DNAH11: variants seen among roughly 807,000 people sequenced by gnomAD.
DNAH11 encodes the protein axonemal beta dynein heavy chain 11.
DNAH11 carries 442 observed loss-of-function variants against 526.0 expected under a neutral mutation model. That is an observed-to-expected ratio of 0.84 (90% confidence interval 0.78 to 0.91). DNAH11 has a LOEUF of 0.91. Among genes scored for constraint, DNAH11 ranks in the 40% least tolerant of loss-of-function variants. The probability of loss-of-function intolerance (pLI) is 0.00; values close to 1 mark genes in which losing one functional copy is unlikely to be tolerated. For missense variants in DNAH11, 6,989 were observed against 5,448.7 expected, an observed-to-expected ratio of 1.28 and a Z score of -8.90; for synonymous variants, 2,461 against 1,935.9, an observed-to-expected ratio of 1.27 and a Z score of -7.12.
At chr7:21,571,712 G>C in intron 7 of DNAH11, 94 bp from the exon 8 acceptor site, 1 of 938,832 alleles carries the variant, frequency 1.1e-6, no homozygotes, top group Non-Finnish European at 1.5e-6. Flanking sequence ...TTGACTCATT[G>C]ATTTTGAACA....
At chr7:21,803,131 A>G (rs899430260) in intron 62 of DNAH11, among the ~76,000 whole-genome samples, 1 of 152,164 alleles carries the variant, frequency 6.6e-6, no homozygotes, top group Non-Finnish European at 1.5e-5. Context: ...AAAAGTGTAT[A>G]ATTGCATTAT....
chr7:21,848,092 A>G (rs1782486827), intron 66 of DNAH11, among the ~76,000 whole-genome samples: 1 of 150,312 alleles, frequency 6.7e-6, no homozygotes, highest in Admixed American at 6.6e-5. Flanking sequence ...GCGTGAACCC[A>G]GGAGGTAGAG....
chr7:21,618,965 G>A (rs747981794), intron 23 of DNAH11, 135 bp from the exon 24 acceptor site: 34 of 1,140,734 alleles, frequency 3.0e-5, no homozygotes, highest in Non-Finnish European at 4.0e-5. Flanking sequence ...GATTCTCCAC[G>A]TATTTCAAGA....
intron 27 of DNAH11, among the ~76,000 whole-genome samples, chr7:21,637,993 C>T (rs1311248655): frequency 6.6e-6 from 1 of 150,892 alleles, no homozygotes; most frequent in Non-Finnish European, 1.5e-5. Flanking sequence ...CAATTATTTC[C>T]TCAGACTATC....
At position 21,564,259 on chromosome 7, in the gene DNAH11, G is replaced by A. The variant is rs745357120; in HGVS notation, c.1056G>A (p.Thr352=). ...GACACATCCAGTGTCTCCAGGAGAC[G>A]GAATTCCCACAGACACGCATATTAA... ...LRRHIQCLQE[T]EFPQTRILIA... The change falls in exon 6 of 82, where the codon ACG becomes ACA. Residue 352 remains threonine, a synonymous_variant. Transcript: ENST00000409508. 3.1e-6 allele frequency: 5 copies of A among 1,613,562 alleles called. No individual in the cohort carries two copies. Among genetic ancestry groups the A allele is most frequent in the South Asian group, 2.2e-5 (2 of 91,032 alleles).
intron 22 of DNAH11, among the ~76,000 whole-genome samples, chr7:21,617,144 G>T (rs1433960427): frequency 6.6e-6 from 1 of 152,164 alleles, no homozygotes; most frequent in Non-Finnish European, 1.5e-5. Context: ...GACCAGCCAA[G>T]TCAAAGGACC....
rs200893178 is a variant in DNAH11 at position 21,832,935 on chromosome 7, T to TA, written c.10692-9603dup. On this transcript the variant is annotated intron_variant, in intron 65 of 81. Transcript: ENST00000409508. ...ATTGAAGCCTGAACACCTGCTACTT[T>TA]AAAAAATAAGTTAATCATCTTGCTG... Among the ~76,000 whole-genome samples the TA allele has an allele frequency of 8.2e-3, 1,247 of 152,302 alleles. 21 individuals carry two copies. Among genetic ancestry groups the TA allele is most frequent in the African/African-American group, 0.028 (1,174 of 41,556 alleles).
intron 44 of DNAH11, among the ~76,000 whole-genome samples, chr7:21,722,180 A>G (rs1048037478): frequency 6.6e-6 from 1 of 152,204 alleles, no homozygotes; most frequent in Non-Finnish European, 1.5e-5. Context: ...TGGTTCTTCA[A>G]GGTATCCTCA....
At chr7:21,665,105 C>CTCTT (rs1159197013) in intron 30 of DNAH11, among the ~76,000 whole-genome samples, 1 of 152,008 alleles carries the variant, frequency 6.6e-6, no homozygotes, top group Non-Finnish European at 1.5e-5. Flanking sequence ...CTCTCACTCT[C>CTCTT]TCTTCCCCTT....
At chr7:21,880,541 T>G (rs1326012210) in intron 74 of DNAH11, among the ~76,000 whole-genome samples, 161 bp from the exon 75 acceptor site, 1 of 152,224 alleles carries the variant, frequency 6.6e-6, no homozygotes, top group East Asian at 1.9e-4. Context: ...AAATGCCAAA[T>G]AATCTCCTGT....
intron 66 of DNAH11, among the ~76,000 whole-genome samples, chr7:21,849,054 T>G (rs1782527303): frequency 6.6e-6 from 1 of 152,102 alleles, no homozygotes; most frequent in African/African-American, 2.4e-5. Context: ...CCCAGCTAAT[T>G]TTGTATTTTT....
At chr7:21,587,614 G>A (rs1784520325) in intron 9 of DNAH11, among the ~76,000 whole-genome samples, 1 of 152,108 alleles carries the variant, frequency 6.6e-6, no homozygotes, top group African/African-American at 2.4e-5. Flanking sequence ...CAGTCATGGT[G>A]ACTGGCACAT....
chr7:21,561,176 ACT>A lies in DNAH11; in HGVS notation c.982+9_982+10del. The A allele has an allele frequency of 2.5e-6, 4 of 1,571,360 alleles. No individual in the cohort carries two copies. The highest frequency in any genetic ancestry group is 3.5e-6 in the Non-Finnish European group (4 of 1,153,576). ...TTTTCTGGCTGTGGAAAATGGTAAG[ACT>A]CTTGTTCCTCAGCCTGGCATCAATA... On this transcript the variant is annotated splice_region_variant and intron_variant, in intron 5 of 81. Coordinates refer to ENST00000409508, the MANE Select transcript of DNAH11 (RefSeq NM_001277115.2).
rs754822442 is a variant in DNAH11 at position 21,748,636 on chromosome 7, T to C, written c.8567T>C (p.Val2856Ala). 9 of 1,612,604 alleles carry C rather than the reference T, an allele frequency of 5.6e-6. No individual in the cohort carries two copies. The highest frequency in any genetic ancestry group is 3.3e-5 in the Admixed American group (2 of 59,936). Residue 2856 changes from valine (V) to alanine (A), a missense_variant, in exon 52 of 82, where the codon GTT (valine) becomes GCT (alanine). Val to Ala is a moderately conservative substitution (Grantham distance 64, BLOSUM62 0). Transcript: ENST00000409508. ...CAGGGCTGTGCTCTCTTGGTTGGAG[T>C]TGGGGGCAGTGGCAAGCAGAGCTTG... ...TPQGCALLVG[V>A]GGSGKQSLSR...
Position 21,842,653 on chromosome 7 carries a change from A to G in DNAH11, c.10801A>G (p.Thr3601Ala), listed in dbSNP as rs1418505953. The part of the protein sequence containing the change: ...HYKPELQAQT[T>A]LLNFTVTEDG... ...TAAGCCGGAATTACAAGCTCAGACA[A>G]CTCTCCTCAATTTCACAGTCACAGA... The change falls in exon 66 of 82, where the codon ACT becomes GCT. Residue 3601 changes from threonine to alanine, a missense_variant. Transcript: ENST00000409508. 1 of 1,613,700 alleles carries G rather than the reference A, an allele frequency of 6.2e-7. No homozygotes were observed. Among genetic ancestry groups the G allele is most frequent in the Non-Finnish European group, 8.5e-7 (1 of 1,179,806 alleles).
At chr7:21,548,638 C>T (rs1782898975) in intron 2 of DNAH11, among the ~76,000 whole-genome samples, 1 of 152,158 alleles carries the variant, frequency 6.6e-6, no homozygotes, top group Admixed American at 6.5e-5. Flanking sequence ...TAACAGGTTA[C>T]AGAGGTTCCT....
chr7:21,763,151 G>C (rs899780051), intron 54 of DNAH11, among the ~76,000 whole-genome samples: 1 of 151,936 alleles, frequency 6.6e-6, no homozygotes, highest in Non-Finnish European at 1.5e-5. Context: ...ACACCAGCCT[G>C]GCCAACATAG....
chr7:21,887,130 T>A (rs529861507), intron 76 of DNAH11, among the ~76,000 whole-genome samples: 40 of 152,344 alleles, frequency 2.6e-4, no homozygotes, highest in African/African-American at 7.9e-4. Context: ...CATTGGAACA[T>A]GATCAAAAAG....
intron 62 of DNAH11, among the ~76,000 whole-genome samples, chr7:21,804,736 C>T (rs1583714825): frequency 6.6e-6 from 1 of 152,162 alleles, no homozygotes. Context: ...CATCTCTCCC[C>T]TAGGGTACCT....
Sources: allele counts gnomAD v4.1 joint callset (sites outside exome capture counted in the v4.1 genomes callset), GRCh38; gene constraint gnomAD v4.1.1; transcripts MANE v1.5; gene names NCBI Gene and HGNC (gene_info 2026-07-23, HGNC 2026-07-21).